Variants in OBSL1 observed in about 807,000 individuals in gnomAD.
The protein encoded by OBSL1 is obscurin-like protein 1.
A neutral mutation model predicts 172.0 loss-of-function variants in OBSL1; 160 were observed. That is an observed-to-expected ratio of 0.93 (90% CI 0.82 to 1.06). OBSL1 has a LOEUF of 1.06. OBSL1 is among the 50% of genes least tolerant of loss of function. OBSL1 has a pLI of 0.00. For synonymous variants in OBSL1, 1,200 were observed against 1,196.3 expected (o/e 1.00, Z -0.06); for missense variants, 2,681 against 2,715.4 (o/e 0.99, Z 0.28).
At position 219,568,355 on chromosome 2, in the gene OBSL1, G is replaced by A; in HGVS notation, c.1013-31C>T. The A allele has an allele frequency of 6.4e-7, 1 of 1,573,580 alleles. No homozygotes were observed. The highest frequency in any genetic ancestry group is 1.2e-5 in the South Asian group (1 of 86,840). ...GAGAGGGGAGAGAGAGACAAGAGAGGGCTCTGGAGAAGGCCCAGACTAGGA... is the reference window on the plus strand; with the variant it reads ...GAGAGGGGAGAGAGAGACAAGAGAGAGCTCTGGAGAAGGCCCAGACTAGGA... On this transcript the variant is annotated intron_variant, in intron 1 of 20. Transcript: ENST00000404537. The surrounding 1 kb of genome is among the most constrained non-coding windows in gnomAD (Gnocchi z 4.1).
intron 8 of OBSL1, 198 bp from the exon 9 acceptor site, chr2:219,559,695 T>C (rs1253733192): frequency 5.3e-6 from 3 of 565,238 alleles, no homozygotes; most frequent in Non-Finnish European, 9.2e-6. Context: ...ATGCTTTGGA[T>C]TCCAGAAATG....
chr2:219,554,652 T>C lies in OBSL1; in HGVS notation c.4698A>G (p.Glu1566=), dbSNP rs1695868670. ...SATFQLELSQ[E]GVTGEWARGG... ...CCCGGGCCCACTCCCCGGTCACACCTTCCTGGGACAGCTCCAGCTGGAAGG... is the reference window on the plus strand; with the variant it reads ...CCCGGGCCCACTCCCCGGTCACACCCTCCTGGGACAGCTCCAGCTGGAAGG... Residue 1566 remains glutamate (E), a synonymous_variant, in exon 15 of 21, where the codon GAA becomes GAG. Coordinates refer to ENST00000404537, the MANE Select transcript of OBSL1 (RefSeq NM_015311.3). The C allele has an allele frequency of 6.2e-7, 1 of 1,608,186 alleles. No homozygotes were observed. The highest frequency in any genetic ancestry group is 1.7e-5 in the Admixed American group (1 of 59,248).
Position 219,571,284 on chromosome 2 carries a change from GCGGAGGGCGAGCCGAGGCCCGGGGCGGC to G in OBSL1, c.-80_-53del. The G allele has an allele frequency of 1.0e-6, 1 of 1,003,086 alleles. No homozygotes were observed. 62.1% of individuals were successfully genotyped at this position (1,003,086 alleles called of 1,614,324 possible). A position where few individuals can be genotyped will look rare whatever the true frequency, so the allele number is the denominator to read the frequency against. ...GAACGGTGGGGGGGCAGGGGGGGGTGCGGAGGGCGAGCCGAGGCCCGGGGCGGCGGGGTCGGGGCGCGGCTGGGGACTG... is the reference window on the plus strand; with the variant it reads ...GAACGGTGGGGGGGCAGGGGGGGGTGGGGGTCGGGGCGCGGCTGGGGACTG... On this transcript the variant is annotated 5_prime_UTR_variant, in exon 1 of 21. Coordinates refer to ENST00000404537, the MANE Select transcript of OBSL1 (RefSeq NM_015311.3).
At chr2:219,548,716 A>C (rs1426859368), downstream of OBSL1, among the ~76,000 whole-genome samples, 1 of 152,230 alleles carries the variant, frequency 6.6e-6, no homozygotes, top group East Asian at 1.9e-4. Flanking sequence ...GGGCAATAAG[A>C]CTTTAAACCA....
rs763001564 is a variant in OBSL1 at position 219,567,954 on chromosome 2, C to A, written c.1298G>T (p.Arg433Leu). The A allele has an allele frequency of 6.8e-6, 11 of 1,613,794 alleles. No homozygotes were observed. The highest frequency in any genetic ancestry group is 8.5e-6 in the Non-Finnish European group (10 of 1,179,872). Residue 433 changes from arginine to leucine, a missense_variant, in exon 3 of 21, where the codon CGC becomes CTC. Physicochemically the swap from Arg to Leu is moderately radical, Grantham distance 102. Transcript: ENST00000404537. Reference sequence around the variant, plus strand: ...CAGGACGTCGAGCTTCCGGGGCAGGCGCTTCAGGATGGGCCCTGAGATGCG... The same window carrying A: ...CAGGACGTCGAGCTTCCGGGGCAGGAGCTTCAGGATGGGCCCTGAGATGCG... The part of the protein sequence containing the change: ...NVTVKGPILK[R>L]LPRKLDVLEG...
At chr2:219,548,651 AGAGT>A, downstream of OBSL1, among the ~76,000 whole-genome samples, 1 of 152,334 alleles carries the variant, frequency 6.6e-6, no homozygotes, top group Admixed American at 6.5e-5. Context: ...TGTGGGAGCC[AGAGT>A]GATTGCGTGG....
Position 219,563,610 on chromosome 2 carries a change from C to A in OBSL1, c.2425G>T (p.Val809Leu). Reference protein sequence around the residue: ...VTVQDPPVHIVDPREHVFVHA... With the variant: ...VTVQDPPVHILDPREHVFVHA... ...ACGAACACATGTTCTCGGGGGTCCACGATGTGCACGGGAGGATCTGGGTGG... is the reference window on the plus strand; with the variant it reads ...ACGAACACATGTTCTCGGGGGTCCAAGATGTGCACGGGAGGATCTGGGTGG... The change falls in exon 7 of 21, where the codon GTG becomes TTG. Residue 809 changes from valine (V) to leucine (L), a missense_variant. This residue lies in a region of OBSL1 where 1,765 missense variants were observed against 1,748.3 expected (regional missense o/e 1.01). Transcript: ENST00000404537. 1.2e-6 allele frequency: 2 copies of A among 1,612,868 alleles called. No homozygotes were observed. The highest frequency in any genetic ancestry group is 2.2e-5 in the South Asian group (2 of 91,014).
At position 219,570,965 on chromosome 2, in the gene OBSL1, C is replaced by T. The variant is rs1438844681; in HGVS notation, c.268G>A (p.Ala90Thr). ...GCGGCCGCCGCGTAGGCCTCGCCGGCCGCGTTGCGGGCGCGGCACACGTAG... is the reference window on the plus strand; with the variant it reads ...GCGGCCGCCGCGTAGGCCTCGCCGGTCGCGTTGCGGGCGCGGCACACGTAG... Reference protein sequence around the residue: ...GVYVCRARNAAGEAYAAAAVT... With the variant: ...GVYVCRARNATGEAYAAAAVT... The change falls in exon 1 of 21, where the codon GCC becomes ACC. Residue 90 changes from alanine to threonine, a missense_variant. Physicochemically the swap from Ala to Thr is moderately conservative, Grantham distance 58 (BLOSUM62 0). This residue lies in a region of OBSL1 where 67 missense variants were observed against 109.3 expected (regional missense o/e 0.61). Coordinates refer to ENST00000404537, the MANE Select transcript of OBSL1 (RefSeq NM_015311.3). 191 of 1,276,672 alleles carry T rather than the reference C, an allele frequency of 1.5e-4. No homozygotes were observed. Among genetic ancestry groups the T allele is most frequent in the Non-Finnish European group, 1.9e-4 (189 of 1,019,282 alleles). 79.1% of individuals were successfully genotyped at this position (1,276,672 alleles called of 1,614,324 possible).
rs1453994073 is a variant in OBSL1 at position 219,552,120 on chromosome 2, T to G, written c.5405A>C (p.Glu1802Ala). The G allele has an allele frequency of 6.2e-7, 1 of 1,609,522 alleles. No individual in the cohort carries two copies. ...AGPAQSLALL[E>A]VEALPLQMCR... Reference sequence around the variant, plus strand: ...CCACCCCAGGTGCTTACCCTCCACTTCCAGTAGAGCCAGGGACTGGGCGGG... The same window carrying G: ...CCACCCCAGGTGCTTACCCTCCACTGCCAGTAGAGCCAGGGACTGGGCGGG... The change falls in exon 19 of 21, where the codon GAA (glutamate) becomes GCA (alanine). Residue 1802 changes from glutamate (E) to alanine (A), a missense_variant. Glu to Ala is a moderately radical substitution (Grantham distance 107). Transcript: ENST00000404537.
chr2:219,552,864 C>T lies in OBSL1; in HGVS notation c.5146+4G>A, dbSNP rs896719148. The stretch of plus-strand genomic sequence containing the variant: ...GCCCAGCCTCCACATCACCCCGTAC[C>T]CACCGCGCACGGTCAGGCGGACCGG... On this transcript the variant is annotated splice_donor_region_variant and intron_variant, in intron 17 of 20. Transcript: ENST00000404537. 5 of 1,543,214 alleles carry T rather than the reference C, an allele frequency of 3.2e-6. No individual in the cohort carries two copies. Among genetic ancestry groups the T allele is most frequent in the Admixed American group, 2.0e-5 (1 of 50,864 alleles).
rs190405420 is a variant in OBSL1, at chr2:219,559,373, C to G, written c.3078G>C (p.Gly1026=). The change falls in exon 9 of 21, where the codon GGG becomes GGC. Residue 1026 remains glycine, a synonymous_variant. Coordinates refer to ENST00000404537, the MANE Select transcript of OBSL1 (RefSeq NM_015311.3). ...GGGCCTCGCTCTCCTCCACTTCCAG[C>G]CCATCCTTGTACCAGCGCACAGGGG... is the stretch of plus-strand genomic sequence containing the variant. The part of the protein sequence containing the change: ...EDAPVRWYKD[G]LEVEESEALV... The G allele has an allele frequency of 3.7e-5, 60 of 1,614,024 alleles. No individual in the cohort carries two copies. Among genetic ancestry groups the G allele is most frequent in the Admixed American group, 2.2e-4 (13 of 60,016 alleles).
chr2:219,553,470 CAG>C, intron 16 of OBSL1, 102 bp downstream of exon 16: 1 of 852,380 alleles, frequency 1.2e-6, no homozygotes, highest in Non-Finnish European at 2.0e-6. Flanking sequence ...AATCTTAGCA[CAG>C]TGCCAGGCAC....
chr2:219,549,880 A>G, downstream of OBSL1: 1 of 1,600,678 alleles, frequency 6.2e-7, no homozygotes, highest in South Asian at 1.1e-5. Context: ...TAGACTCTGC[A>G]GTCACCAGCT....
At chr2:219,549,248 C>T, downstream of OBSL1, 1 of 1,613,992 alleles carries the variant, frequency 6.2e-7, no homozygotes, top group Non-Finnish European at 8.5e-7. Flanking sequence ...CCTCCTCGGG[C>T]TCCCCTCAGA....
Position 219,556,302 on chromosome 2 carries a change from A to G in OBSL1, c.4337-10T>C, listed in dbSNP as rs755582215. 1 of 1,573,838 alleles carries G rather than the reference A, an allele frequency of 6.4e-7. No homozygotes were observed. The highest frequency in any genetic ancestry group is 8.6e-7 in the Non-Finnish European group (1 of 1,156,634). Reference sequence around the variant, plus strand: ...AACAGCAGCTCTGTCTCTGGTGGGGAAGAAGGAGGCCATGGAGTCTGGTGG... The same window carrying G: ...AACAGCAGCTCTGTCTCTGGTGGGGGAGAAGGAGGCCATGGAGTCTGGTGG... On this transcript the variant is annotated splice_polypyrimidine_tract_variant and intron_variant, in intron 13 of 20. Transcript: ENST00000404537.
intron 6 of OBSL1, 137 bp downstream of exon 6, chr2:219,565,105 T>C (rs954166234): frequency 2.1e-5 from 18 of 874,778 alleles, no homozygotes; most frequent in African/African-American, 5.1e-5. Flanking sequence ...TGCAGAGTTA[T>C]CTGAAACATG....
chr2:219,553,753 A>G (rs1293955069), intron 15 of OBSL1, 67 bp from the exon 16 acceptor site: 1 of 1,085,836 alleles, frequency 9.2e-7, no homozygotes, highest in East Asian at 2.7e-5. Flanking sequence ...AGGGACAAGG[A>G]GGACATACAC....
At position 219,564,961 on chromosome 2, in the gene OBSL1, G is replaced by C. The variant is rs11692887; in HGVS notation, c.2407+281C>G. Among the ~76,000 whole-genome samples, 29,405 of 152,138 alleles carry C rather than the reference G, an allele frequency of 0.19. 3,632 individuals carry two copies. The highest frequency in any genetic ancestry group is 0.47 in the East Asian group (2,432 of 5,174). The stretch of plus-strand genomic sequence containing the variant: ...GCGCACCTGTAGTCCCAGCTACTTG[G>C]GAGGCTGAGGTGAGAGAATCGCTTT... On this transcript the variant is annotated intron_variant, in intron 6 of 20. Transcript: ENST00000404537.
At chr2:219,560,403 C>T (rs566371167) in intron 8 of OBSL1, among the ~76,000 whole-genome samples, 6 of 152,308 alleles carry the variant, frequency 3.9e-5, no homozygotes, top group African/African-American at 1.4e-4. Flanking sequence ...GGGAGCTCAT[C>T]TCCAAGTTCT....
Sources: allele counts gnomAD v4.1 joint callset (sites outside exome capture counted in the v4.1 genomes callset), GRCh38; gene constraint gnomAD v4.1.1; regional missense constraint gnomAD v4.1.1; non-coding constraint Gnocchi (gnomAD v3.1); transcripts MANE v1.5; gene names NCBI Gene and HGNC (gene_info 2026-07-23, HGNC 2026-07-21).